Variants in SLC17A5 observed in about 807,000 individuals in gnomAD.
SLC17A5 encodes solute carrier family 17 member 5, also known as sialin.
In SLC17A5, 47 loss-of-function variants were observed where a neutral mutation model predicts 59.4. That is an observed-to-expected ratio of 0.79 (90% CI 0.63 to 1.01). The LOEUF (loss-of-function observed/expected upper bound fraction) is 1.01, where lower values mean the gene tolerates loss of function less well. SLC17A5 is among the 50% of genes least tolerant of loss of function. The pLI, the probability that SLC17A5 is intolerant of heterozygous loss-of-function variation, is 0.00. For synonymous variants in SLC17A5, 202 were observed against 210.7 expected, an observed-to-expected ratio of 0.96 and a Z score of 0.36; for missense variants, 522 against 595.5, an observed-to-expected ratio of 0.88 and a Z score of 1.28.
At chr6:73,613,498 T>A (rs1179130662) in intron 8 of SLC17A5, among the ~76,000 whole-genome samples, 1 of 152,174 alleles carries the variant, frequency 6.6e-6, no homozygotes, top group Admixed American at 6.5e-5. Flanking sequence ...CCCAGGTAGC[T>A]GGGATTACAG....
chr6:73,603,922 C>CAAAAAAAAAAAAA (rs1340835430), intron 9 of SLC17A5, among the ~76,000 whole-genome samples: 1 of 130,334 alleles, frequency 7.7e-6, no homozygotes, highest in Non-Finnish European at 1.7e-5. Context: ...AAAACAAAAA[C>CAAAAAAAAAAAAA]AAAAAACAAA....
At chr6:73,644,951 A>C (rs1769471280) in intron 1 of SLC17A5, among the ~76,000 whole-genome samples, 1 of 152,224 alleles carries the variant, frequency 6.6e-6, no homozygotes, top group African/African-American at 2.4e-5. Flanking sequence ...AAAATTTCAC[A>C]CATGAGAGCC....
chr6:73,625,237 A>G (rs1768349599), intron 6 of SLC17A5, among the ~76,000 whole-genome samples: 1 of 151,996 alleles, frequency 6.6e-6, no homozygotes, highest in Non-Finnish European at 1.5e-5. Flanking sequence ...TCCAGGATGG[A>G]GTGCAGTGGC....
At chr6:73,601,617 G>T (rs1232594758) in intron 9 of SLC17A5, among the ~76,000 whole-genome samples, 2 of 73,734 alleles carry the variant, frequency 2.7e-5, no homozygotes, top group African/African-American at 5.9e-5. Flanking sequence ...CCGGCCAGCC[G>T]CCCCGTCCGG....
chr6:73,608,496 G>A (rs1317989008), intron 9 of SLC17A5, among the ~76,000 whole-genome samples: 1 of 152,162 alleles, frequency 6.6e-6, no homozygotes, highest in Non-Finnish European at 1.5e-5. Flanking sequence ...GAAACAATCT[G>A]TGGTGATATT....
Position 73,635,375 on chromosome 6 carries a change from T to G in SLC17A5, c.819+7A>C, listed in dbSNP as rs2150112286. 2.1e-6 allele frequency: 3 copies of G among 1,414,376 alleles called. No homozygotes were observed. The highest frequency in any genetic ancestry group is 3.0e-6 in the Non-Finnish European group (3 of 1,001,986). 87.6% of individuals were successfully genotyped at this position (1,414,376 alleles called of 1,614,324 possible). ...ACATTATTTTTAAAATGTGTCAAAG[T>G]CCATACCTGATTTCTTAATGATGAA... is the stretch of plus-strand genomic sequence containing the variant. On this transcript the variant is annotated splice_region_variant and intron_variant, in intron 6 of 10. Coordinates refer to ENST00000355773, the MANE Select transcript of SLC17A5 (RefSeq NM_012434.5).
At chr6:73,608,568 A>C (rs1767501138) in intron 9 of SLC17A5, among the ~76,000 whole-genome samples, 2 of 152,232 alleles carry the variant, frequency 1.3e-5, no homozygotes, top group African/African-American at 4.8e-5. Context: ...AATTAAGTGA[A>C]TCAATAGATT....
At chr6:73,602,505 T>C (rs1180358096) in intron 9 of SLC17A5, among the ~76,000 whole-genome samples, 1 of 151,946 alleles carries the variant, frequency 6.6e-6, no homozygotes, top group Non-Finnish European at 1.5e-5. Flanking sequence ...CTGGGCGCGG[T>C]GGCTCACGCT....
intron 1 of SLC17A5, chr6:73,653,349 T>A (rs1769958177): frequency 2.0e-6 from 2 of 985,282 alleles, no homozygotes; most frequent in Non-Finnish European, 2.4e-6. Context: ...ATCTGCAGGT[T>A]TCTCCTCCAG....
At position 73,644,535 on chromosome 6, in the gene SLC17A5, C is replaced by T. The variant is rs757580726; in HGVS notation, c.163G>A (p.Ala55Thr). ...GCAACACTCAGATTCACACGTAATG[C>T]ATACACAATGAAGAAACCAAAAAAG... ...LAFFGFFIVY[A>T]LRVNLSVALV... is the part of the protein sequence containing the mutation. The change falls in exon 2 of 11, where the codon GCA becomes ACA. Residue 55 changes from alanine to threonine, a missense_variant. This residue lies in a region of SLC17A5 where 338 missense variants were observed against 363.8 expected (regional missense o/e 0.93). Transcript: ENST00000355773. 1.2e-6 allele frequency: 2 copies of T among 1,614,014 alleles called. No homozygotes were observed. Among genetic ancestry groups the T allele is most frequent in the Non-Finnish European group, 1.7e-6 (2 of 1,179,942 alleles).
At chr6:73,652,568 T>C (rs1401008561) in intron 1 of SLC17A5, among the ~76,000 whole-genome samples, 1 of 152,238 alleles carries the variant, frequency 6.6e-6, no homozygotes, top group Admixed American at 6.5e-5. Flanking sequence ...CTGGCAAATA[T>C]CTTTATTATA....
At chr6:73,634,237 T>TATTATATC (rs1259194168) in intron 6 of SLC17A5, among the ~76,000 whole-genome samples, 6 of 152,326 alleles carry the variant, frequency 3.9e-5, no homozygotes, top group African/African-American at 1.4e-4. Flanking sequence ...CATATTATAA[T>TATTATATC]ATTATATCAT....
intron 10 of SLC17A5, among the ~76,000 whole-genome samples, chr6:73,597,820 A>G (rs917941125): frequency 1.3e-5 from 2 of 151,978 alleles, no homozygotes; most frequent in Non-Finnish European, 2.9e-5. Context: ...AAAAACCCAA[A>G]CAAACAAGCA....
chr6:73,612,135 C>T (rs1767662518), intron 8 of SLC17A5, among the ~76,000 whole-genome samples: 1 of 152,092 alleles, frequency 6.6e-6, no homozygotes, highest in African/African-American at 2.4e-5. Flanking sequence ...GCCTCAGCCT[C>T]CTGAGTAGCT....
At chr6:73,595,471 A>C (rs1471303444) in intron 10 of SLC17A5, among the ~76,000 whole-genome samples, 1 of 152,214 alleles carries the variant, frequency 6.6e-6, no homozygotes, top group Non-Finnish European at 1.5e-5. Context: ...CCAGACAAAA[A>C]AGGTACATAC....
intron 7 of SLC17A5, among the ~76,000 whole-genome samples, chr6:73,616,474 T>G (rs1384482897): frequency 6.6e-6 from 1 of 152,000 alleles, no homozygotes; most frequent in Non-Finnish European, 1.5e-5. Flanking sequence ...TTTCTTACAA[T>G]TTATCTATTT....
intron 9 of SLC17A5, among the ~76,000 whole-genome samples, chr6:73,609,708 G>A (rs867601612): frequency 6.6e-6 from 1 of 152,200 alleles, no homozygotes; most frequent in Non-Finnish European, 1.5e-5. Flanking sequence ...GTTCTAATGA[G>A]AGCACTGTGG....
intron 7 of SLC17A5, among the ~76,000 whole-genome samples, chr6:73,616,546 TACACACAC>T (rs56306141): frequency 8.9e-4 from 113 of 126,338 alleles, no homozygotes; most frequent in East Asian, 7.6e-3. Flanking sequence ...GTTTATTTAC[TACACACAC>T]ACACACACAC....
intron 9 of SLC17A5, among the ~76,000 whole-genome samples, chr6:73,604,795 C>T (rs1039951473): frequency 6.6e-6 from 1 of 151,942 alleles, no homozygotes; most frequent in Non-Finnish European, 1.5e-5. Flanking sequence ...CTATTTCAGT[C>T]TATAGAAGTA....
Sources: allele counts gnomAD v4.1 joint callset (sites outside exome capture counted in the v4.1 genomes callset), GRCh38; gene constraint gnomAD v4.1.1; regional missense constraint gnomAD v4.1.1; transcripts MANE v1.5; gene names NCBI Gene and HGNC (gene_info 2026-07-23, HGNC 2026-07-21).